HEXIM2: variants seen among roughly 807,000 people sequenced by gnomAD.
The protein encoded by HEXIM2 is protein HEXIM2.
For missense variants in HEXIM2, 413 were observed against 390.8 expected, an observed-to-expected ratio of 1.06 and a Z score of -0.48; for synonymous variants, 159 against 162.7, an observed-to-expected ratio of 0.98 and a Z score of 0.17.
At chr17:45,160,951 G>A, upstream of HEXIM2, 1 of 1,289,726 alleles carries the variant, frequency 7.8e-7, no homozygotes, top group South Asian at 1.2e-5. Context: ...GAGGTAAGGT[G>A]GGTGCACTGG....
At chr17:45,162,443 AC>A in intron 1 of HEXIM2, 44 bp from the exon 2 acceptor site, 1 of 1,092,208 alleles carries the variant, frequency 9.2e-7, no homozygotes. Flanking sequence ...AACAAAACTT[AC>A]ACCTGGCTTC....
Position 45,169,262 on chromosome 17 carries a change from A to T in HEXIM2, c.314A>T (p.Tyr105Phe). The T allele has an allele frequency of 6.2e-7, 1 of 1,613,772 alleles. No individual in the cohort carries two copies. The highest frequency in any genetic ancestry group is 8.5e-7 in the Non-Finnish European group (1 of 1,180,028). ...PSKRKRHWRP[Y>F]LELSWAEKQQ... is the part of the protein sequence containing the mutation. ...AAGCGCAAAAGGCACTGGCGACCCT[A>T]CCTGGAGCTGAGCTGGGCTGAGAAA... Residue 105 changes from tyrosine (Y) to phenylalanine (F), a missense_variant, in exon 4 of 4, where the codon TAC becomes TTC. By Grantham distance (22) the Tyr-to-Phe change is conservative. Transcript: ENST00000589230.
At chr17:45,164,811 C>T (rs1056669789) in intron 3 of HEXIM2, among the ~76,000 whole-genome samples, 1 of 152,168 alleles carries the variant, frequency 6.6e-6, no homozygotes, top group African/African-American at 2.4e-5. Context: ...CCTTAGTCCA[C>T]GACTCCCTAT....
At chr17:45,165,278 C>G (rs1434079478) in intron 3 of HEXIM2, among the ~76,000 whole-genome samples, 1 of 152,122 alleles carries the variant, frequency 6.6e-6, no homozygotes, top group African/African-American at 2.4e-5. Flanking sequence ...GTACACACCC[C>G]ACACACATAC....
rs761550683 is a variant in HEXIM2, at chr17:45,169,173, G to C, written c.225G>C (p.Gln75His). Residue 75 changes from glutamine to histidine, a missense_variant, in exon 4 of 4, where the codon CAG (glutamine) becomes CAC (histidine). Transcript: ENST00000589230. ...GGAACAGTAGGAGTCCCCGGACCCA[G>C]AGCCCAGGGGGCTGCTCAGCGGAGG... is the stretch of plus-strand genomic sequence containing the variant. ...LGWNSRSPRT[Q>H]SPGGCSAEAV... 1.2e-6 allele frequency: 2 copies of C among 1,613,770 alleles called. No homozygotes were observed. The highest frequency in any genetic ancestry group is 3.3e-5 in the Admixed American group (2 of 60,036).
chr17:45,162,306 T>C (rs1215511484), intron 1 of HEXIM2, among the ~76,000 whole-genome samples, 182 bp from the exon 2 acceptor site: 1 of 152,114 alleles, frequency 6.6e-6, no homozygotes, highest in African/African-American at 2.4e-5. Context: ...TGCATCAAGA[T>C]TGGGGCCACT....
At position 45,162,614 on chromosome 17, in the gene HEXIM2, G is replaced by A; in HGVS notation, c.-66G>A. 6.9e-7 allele frequency: 1 copy of A among 1,440,670 alleles called. No homozygotes were observed. The highest frequency in any genetic ancestry group is 1.4e-5 in the African/African-American group (1 of 70,080). 89.2% of individuals were successfully genotyped at this position (1,440,670 alleles called of 1,614,324 possible). A position where few individuals can be genotyped will look rare whatever the true frequency, so the allele number is the denominator to read the frequency against. ...AAACCAGCGGTGGAGGCAGCCTTCG[G>A]GGCCTGCATTTGAGAATAAGGGTAT... On this transcript the variant is annotated 5_prime_UTR_variant, in exon 2 of 4. Transcript: ENST00000589230.
chr17:45,167,093 A>G (rs1268265032), intron 3 of HEXIM2, among the ~76,000 whole-genome samples: 1 of 149,680 alleles, frequency 6.7e-6, no homozygotes, highest in Non-Finnish European at 1.5e-5. Context: ...TGGGAGGCCA[A>G]GGTGGGCAGA....
At chr17:45,160,916 G>A, upstream of HEXIM2, 3 of 1,289,676 alleles carry the variant, frequency 2.3e-6, no homozygotes, top group South Asian at 1.2e-5. Context: ...CAACCCGGGC[G>A]GCGAGATGGC....
In HEXIM2 at chr17:45,169,549, C is replaced by G. The variant is rs764622197; in HGVS notation, c.601C>G (p.His201Asp). The G allele has an allele frequency of 6.4e-6, 10 of 1,567,978 alleles. No homozygotes were observed. Among genetic ancestry groups the G allele is most frequent in the Non-Finnish European group, 8.6e-6 (10 of 1,157,228 alleles). ...CTTCTCTGAGACTTACGAACGCTTCCACACCGAGAGCCTGCAGGGCCGCAG... is the reference window on the plus strand; with the variant it reads ...CTTCTCTGAGACTTACGAACGCTTCGACACCGAGAGCCTGCAGGGCCGCAG... ...KDFSETYERF[H>D]TESLQGRSKQ... The change falls in exon 4 of 4, where the codon CAC becomes GAC. Residue 201 changes from histidine to aspartate, a missense_variant. Transcript: ENST00000589230.
chr17:45,166,763 C>G (rs1164904795), intron 3 of HEXIM2, among the ~76,000 whole-genome samples: 1 of 152,118 alleles, frequency 6.6e-6, no homozygotes, highest in Admixed American at 6.6e-5. Context: ...GTGGCTCACA[C>G]CTGTAATCCC....
upstream of HEXIM2, among the ~76,000 whole-genome samples, chr17:45,160,543 C>T (rs1322605188): frequency 6.6e-6 from 1 of 152,054 alleles, no homozygotes; most frequent in South Asian, 2.1e-4. Flanking sequence ...AAAGTTAAGA[C>T]TAGGATTTCA....
At chr17:45,160,463 C>T (rs1335560153), upstream of HEXIM2, among the ~76,000 whole-genome samples, 1 of 152,040 alleles carries the variant, frequency 6.6e-6, no homozygotes, top group Non-Finnish European at 1.5e-5. Context: ...ACAAAGATTA[C>T]ATTGGAATTG....
Position 45,164,104 on chromosome 17 carries a change from G to A in HEXIM2, c.66+1245G>A, listed in dbSNP as rs137869155. ...CATGAGGCAGAAGTTGCAGTGAGCTGAGATTGTGCCATTGCACTCCAGCTT... is the reference window on the plus strand; with the variant it reads ...CATGAGGCAGAAGTTGCAGTGAGCTAAGATTGTGCCATTGCACTCCAGCTT... On this transcript the variant is annotated intron_variant, in intron 3 of 3. Coordinates refer to ENST00000589230, the MANE Select transcript of HEXIM2 (RefSeq NM_001303441.2). Among the ~76,000 whole-genome samples, 619 of 151,546 alleles carry A rather than the reference G, an allele frequency of 4.1e-3. 9 individuals carry two copies. The highest frequency in any genetic ancestry group is 0.024 in the Admixed American group (361 of 15,174).
intron 3 of HEXIM2, among the ~76,000 whole-genome samples, chr17:45,164,646 T>A (rs964296248): frequency 6.6e-6 from 1 of 151,992 alleles, no homozygotes; most frequent in Non-Finnish European, 1.5e-5. Context: ...AAAATAATAA[T>A]AATTTGTAAT....
intron 3 of HEXIM2, 58 bp from the exon 4 acceptor site, chr17:45,168,957 G>T (rs567137721): frequency 1.1e-5 from 16 of 1,493,044 alleles, no homozygotes; most frequent in Non-Finnish European, 1.4e-5. Context: ...AGAGGGAAAG[G>T]TTCCACCTCC....
upstream of HEXIM2, chr17:45,160,687 G>C (rs1346836823): frequency 1.1e-5 from 4 of 358,680 alleles, no homozygotes; most frequent in Admixed American, 3.5e-5. Flanking sequence ...ACTTTCAAGA[G>C]AAGTGGGGCA....
At chr17:45,167,077 G>C (rs111349409) in intron 3 of HEXIM2, among the ~76,000 whole-genome samples, 4,426 of 138,910 alleles carry the variant, frequency 0.032, 227 homozygotes, top group African/African-American at 0.11. Flanking sequence ...TATAATCCCA[G>C]CACTTTGGGA....
intron 3 of HEXIM2, among the ~76,000 whole-genome samples, chr17:45,167,077 G>A (rs111349409): frequency 7.2e-6 from 1 of 138,956 alleles, no homozygotes; most frequent in South Asian, 2.3e-4. Context: ...TATAATCCCA[G>A]CACTTTGGGA....
Sources: gnomAD v4.1 joint callset for allele counts (sites outside exome capture counted in the v4.1 genomes callset) on GRCh38, gnomAD v4.1.1 for gene constraint, MANE v1.5 for transcripts, NCBI Gene and HGNC (gene_info 2026-07-23, HGNC 2026-07-21) for gene names.